E2F5: variants seen among roughly 807,000 people sequenced by gnomAD.
E2F5 encodes transcription factor E2F5.
Under a neutral mutation model 39.1 loss-of-function variants are expected in E2F5, and 23 were observed. The ratio of observed to expected loss-of-function variants is 0.59; its 90% CI spans 0.42 to 0.83. E2F5 has a LOEUF of 0.83. E2F5 is among the 40% of genes least tolerant of loss of function. E2F5 has a pLI of 0.00. For missense variants in E2F5, 365 were observed against 406.7 expected (o/e 0.90, Z 0.88); for synonymous variants, 145 against 157.8 (o/e 0.92, Z 0.61).
intron 1 of E2F5, among the ~76,000 whole-genome samples, chr8:85,191,184 G>A (rs1812455593): frequency 6.6e-6 from 1 of 152,234 alleles, no homozygotes; most frequent in African/African-American, 2.4e-5. Flanking sequence ...AGGATATTTT[G>A]CTAAGCAAAT....
In E2F5 at chr8:85,177,525, G is replaced by GC; in HGVS notation, c.110dup (p.Pro38AlafsTer44). On this transcript the variant is annotated frameshift_variant, in exon 1 of 8. Coordinates refer to ENST00000416274, the MANE Select transcript of E2F5 (RefSeq NM_001951.4). LOFTEE classifies it high-confidence loss of function. ...CTCCGCAGGCGCAAGCCCCGCAGCC[G>GC]CCCCCGCCGCCGCAGCTCGGGGGCG... 1.7e-6 allele frequency: 2 copies of GC among 1,148,362 alleles called. No individual in the cohort carries two copies. The highest frequency in any genetic ancestry group is 2.1e-6 in the Non-Finnish European group (2 of 935,024). 71.1% of individuals were successfully genotyped at this position (1,148,362 alleles called of 1,614,324 possible).
At chr8:85,190,526 T>G (rs1319537672) in intron 1 of E2F5, among the ~76,000 whole-genome samples, 1 of 110,704 alleles carries the variant, frequency 9.0e-6, no homozygotes, top group African/African-American at 3.7e-5. Context: ...TTTTTTGAGA[T>G]GGAGTCTCGC....
At position 85,177,379 on chromosome 8, in the gene E2F5, C is replaced by T. The variant is rs985194075; in HGVS notation, c.-42C>T. ...GGTGGCCGCGGGCGGGGCCGGCGAGCGAAAGTGCGCGGGGGCCCGACCACC... is the reference window on the plus strand; with the variant it reads ...GGTGGCCGCGGGCGGGGCCGGCGAGTGAAAGTGCGCGGGGGCCCGACCACC... On this transcript the variant is annotated 5_prime_UTR_variant, in exon 1 of 8. Coordinates refer to ENST00000416274, the MANE Select transcript of E2F5 (RefSeq NM_001951.4). 19 of 986,782 alleles carry T rather than the reference C, an allele frequency of 1.9e-5. No individual in the cohort carries two copies. The African/African-American group carries it at 3.3e-4, about 17-fold the overall frequency. The allele number at this position is 986,782 out of a possible 1,614,324, so 61.1% of individuals were successfully genotyped here.
chr8:85,181,256 G>C (rs1357252570), intron 1 of E2F5, among the ~76,000 whole-genome samples: 1 of 152,082 alleles, frequency 6.6e-6, no homozygotes, highest in African/African-American at 2.4e-5. Flanking sequence ...AAGTATCCTA[G>C]ACCACATAGA....
At position 85,186,170 on chromosome 8, in the gene E2F5, T is replaced by C. The variant is rs567540634; in HGVS notation, c.234+8516T>C. Among the ~76,000 whole-genome samples the C allele has an allele frequency of 3.9e-5, 6 of 152,276 alleles. No homozygotes were observed. The South Asian group carries it at 1.2e-3, about 32-fold the overall frequency. On this transcript the variant is annotated intron_variant, in intron 1 of 7. Transcript: ENST00000416274. ...CTGGCACATATACACCATGGAATAC[T>C]ATGCAGCCGTAAGAAAGGATGAGTT... is the stretch of plus-strand genomic sequence containing the variant.
chr8:85,204,731 G>T (rs531155017), intron 3 of E2F5, among the ~76,000 whole-genome samples: 1 of 152,226 alleles, frequency 6.6e-6, no homozygotes, highest in South Asian at 2.1e-4. Context: ...CATGGGCTCA[G>T]CCAGGAGCAT....
At chr8:85,182,691 A>G (rs1013117040) in intron 1 of E2F5, among the ~76,000 whole-genome samples, 2 of 152,180 alleles carry the variant, frequency 1.3e-5, no homozygotes, top group Non-Finnish European at 2.9e-5. Flanking sequence ...ATGACTATGT[A>G]TCTGTATGTT....
At chr8:85,202,765 G>A (rs1399050414) in intron 2 of E2F5, among the ~76,000 whole-genome samples, 2 of 152,012 alleles carry the variant, frequency 1.3e-5, no homozygotes, top group Non-Finnish European at 2.9e-5. Flanking sequence ...TATTTTACCA[G>A]CACCTCAGTC....
chr8:85,181,393 C>T (rs1324769309), intron 1 of E2F5, among the ~76,000 whole-genome samples: 1 of 151,596 alleles, frequency 6.6e-6, no homozygotes, highest in Non-Finnish European at 1.5e-5. Context: ...TGCAGTGTCG[C>T]GATCTCCACT....
intron 1 of E2F5, among the ~76,000 whole-genome samples, chr8:85,200,860 C>T (rs1367371082): frequency 6.6e-6 from 1 of 152,190 alleles, no homozygotes; most frequent in East Asian, 1.9e-4. Flanking sequence ...TTCTGGTTCT[C>T]TAGAAGGGAC....
intron 1 of E2F5, among the ~76,000 whole-genome samples, chr8:85,178,462 A>G (rs1812132826): frequency 6.6e-6 from 1 of 152,206 alleles, no homozygotes; most frequent in South Asian, 2.1e-4. Context: ...GTTCTGTCAT[A>G]CAGAATGACT....
intron 1 of E2F5, among the ~76,000 whole-genome samples, chr8:85,190,843 G>C (rs1812446788): frequency 6.6e-6 from 1 of 152,078 alleles, no homozygotes; most frequent in African/African-American, 2.4e-5. Flanking sequence ...GGCTGTGCCT[G>C]TTGTAATCAA....
intron 7 of E2F5, chr8:85,212,658 G>A (rs1402268263): frequency 6.5e-6 from 1 of 152,838 alleles, no homozygotes; most frequent in Non-Finnish European, 1.5e-5. Flanking sequence ...GCTACAATAT[G>A]CTAATTACTT....
Position 85,189,201 on chromosome 8 carries a change from A to C in E2F5, c.234+11547A>C, listed in dbSNP as rs111596484. On this transcript the variant is annotated intron_variant, in intron 1 of 7. Coordinates refer to ENST00000416274, the MANE Select transcript of E2F5 (RefSeq NM_001951.4). The stretch of plus-strand genomic sequence containing the variant: ...TGATGTTCCTTTTCCAACCTAAAAT[A>C]CAATTACTGAAGTATCAGTAGAAAG... 5.1e-3 allele frequency among the ~76,000 whole-genome samples: 781 copies of C among 152,318 alleles called. 9 individuals are homozygous for C. Among genetic ancestry groups the C allele is most frequent in the African/African-American group, 0.018 (740 of 41,552 alleles).
chr8:85,213,830 G>A lies in E2F5; in HGVS notation c.1009G>A (p.Asp337Asn). 1 of 1,611,508 alleles carries A rather than the reference G, an allele frequency of 6.2e-7. No homozygotes were observed. The highest frequency in any genetic ancestry group is 8.5e-7 in the Non-Finnish European group (1 of 1,177,954). ...TTTAGATGATAACGAAGGAGTTTGT[G>A]ATCTGTTTGATGTCCAGATACTAAA... ...FNLDDNEGVCDLFDVQILNY is the reference protein window; with the variant it reads ...FNLDDNEGVCNLFDVQILNY Residue 337 changes from aspartate (D) to asparagine (N), a missense_variant, in exon 8 of 8, where the codon GAT becomes AAT. Physicochemically the swap from Asp to Asn is conservative, Grantham distance 23. Coordinates refer to ENST00000416274, the MANE Select transcript of E2F5 (RefSeq NM_001951.4).
At chr8:85,184,958 A>G (rs1812297415) in intron 1 of E2F5, among the ~76,000 whole-genome samples, 5 of 152,352 alleles carry the variant, frequency 3.3e-5, no homozygotes, top group South Asian at 2.1e-4. Flanking sequence ...TATAGATTCA[A>G]TGCTATCCCT....
In E2F5 at chr8:85,177,396, C is replaced by T. The variant is rs1812105079; in HGVS notation, c.-25C>T. The T allele has an allele frequency of 2.0e-6, 2 of 987,128 alleles. No homozygotes were observed. The highest frequency in any genetic ancestry group is 2.4e-6 in the Non-Finnish European group (2 of 832,102). The allele number at this position is 987,128 out of a possible 1,614,324, so 61.1% of individuals were successfully genotyped here. On this transcript the variant is annotated 5_prime_UTR_variant, in exon 1 of 8. Coordinates refer to ENST00000416274, the MANE Select transcript of E2F5 (RefSeq NM_001951.4). Reference sequence around the variant, plus strand: ...CCGGCGAGCGAAAGTGCGCGGGGGCCCGACCACCGCGGGGCCGGGACGCGA... The same window carrying T: ...CCGGCGAGCGAAAGTGCGCGGGGGCTCGACCACCGCGGGGCCGGGACGCGA...
chr8:85,212,137 AACTTTATT>A lies in E2F5; in HGVS notation c.884-16_884-9del. ...TTTACTGTTAACAGAAATATAACAAAACTTTATTACTGTTTCCAGCAGGATCTATTAGT... is the reference window on the plus strand; with the variant it reads ...TTTACTGTTAACAGAAATATAACAAAACTGTTTCCAGCAGGATCTATTAGT... On this transcript the variant is annotated splice_polypyrimidine_tract_variant and intron_variant, in intron 6 of 7. Coordinates refer to ENST00000416274, the MANE Select transcript of E2F5 (RefSeq NM_001951.4). 1.3e-6 allele frequency: 2 copies of A among 1,594,368 alleles called. No homozygotes were observed. Among genetic ancestry groups the A allele is most frequent in the Non-Finnish European group, 1.7e-6 (2 of 1,165,186 alleles).
rs1812102257 is a variant in E2F5 at position 85,177,275 on chromosome 8, CTGT to C, written c.-141_-139del. The C allele has an allele frequency of 1.6e-6, 1 of 643,984 alleles. No individual in the cohort carries two copies. Among genetic ancestry groups the C allele is most frequent in the Non-Finnish European group, 1.9e-6 (1 of 517,444 alleles). 39.9% of individuals were successfully genotyped at this position (643,984 alleles called of 1,614,324 possible). On this transcript the variant is annotated 5_prime_UTR_variant, in exon 1 of 8. Transcript: ENST00000416274. The stretch of plus-strand genomic sequence containing the variant: ...CCAGACTCCCGTGGGCGCCGCACAC[CTGT>C]TGTTTGCAGCAGCCAGCGACCCGCA...
Sources: allele counts gnomAD v4.1 joint callset (sites outside exome capture counted in the v4.1 genomes callset), GRCh38; gene constraint gnomAD v4.1.1; transcripts MANE v1.5; gene names NCBI Gene and HGNC (gene_info 2026-07-23, HGNC 2026-07-21).